DUSP4: variants seen among roughly 807,000 people sequenced by gnomAD.
DUSP4 encodes dual specificity protein phosphatase 4.
Under a neutral mutation model 27.2 loss-of-function variants are expected in DUSP4, and 12 were observed. The observed-to-expected ratio is 0.44, with a 90% CI of 0.28 to 0.71. DUSP4 has a LOEUF of 0.71. Ranked by LOEUF, DUSP4 falls within the 30% of genes least tolerant of loss-of-function variation. The pLI, the probability that DUSP4 is intolerant of heterozygous loss-of-function variation, is 0.14. For synonymous variants in DUSP4, 257 were observed against 245.2 expected (o/e 1.05, Z -0.45); for missense variants, 448 against 551.3 (o/e 0.81, Z 1.88).
At chr8:29,345,842 T>C (rs1817725949) in intron 1 of DUSP4, 57 of 1,076,738 alleles carry the variant, frequency 5.3e-5, no homozygotes, top group Non-Finnish European at 6.4e-5. Flanking sequence ...CATAGTGAGT[T>C]TGCTTCATTG....
At position 29,333,935 on chromosome 8, in the gene DUSP4, C is replaced by T. The variant is rs1817533151; in HGVS notation, c.*3091G>A. ...GATTTAAAAACCTTTCTCATGGCTT[C>T]CCAAATTGGAAAACTCTCTGGAATC... On this transcript the variant is annotated 3_prime_UTR_variant, in exon 4 of 4. Transcript: ENST00000240100. 1 of 152,236 alleles carries T rather than the reference C, an allele frequency of 6.6e-6. No individual in the cohort carries two copies. The highest frequency in any genetic ancestry group is 1.5e-5 in the Non-Finnish European group (1 of 68,074). The allele number at this position is 152,236 out of a possible 1,614,324, so 9.4% of individuals were successfully genotyped here. A position where few individuals can be genotyped will look rare whatever the true frequency, so the allele number is the denominator to read the frequency against.
At chr8:29,344,041 C>T (rs913104825) in intron 1 of DUSP4, among the ~76,000 whole-genome samples, 2 of 152,156 alleles carry the variant, frequency 1.3e-5, no homozygotes, top group Non-Finnish European at 1.5e-5. Context: ...GGGCTCCTTC[C>T]CGTGCCCCTA....
At chr8:29,339,597 G>A (rs1190955260) in intron 2 of DUSP4, among the ~76,000 whole-genome samples, 3 of 152,162 alleles carry the variant, frequency 2.0e-5, no homozygotes, top group Non-Finnish European at 4.4e-5. Context: ...AGGATATTTA[G>A]AGAGGGAAGG....
intron 1 of DUSP4, chr8:29,347,884 G>C (rs1429278456): frequency 2.0e-6 from 2 of 985,562 alleles, no homozygotes; most frequent in African/African-American, 1.7e-5. Context: ...GTTGGGGAGG[G>C]AGGACTCTCA....
intron 1 of DUSP4, among the ~76,000 whole-genome samples, chr8:29,340,474 G>C (rs938044842): frequency 2.6e-5 from 4 of 152,176 alleles, no homozygotes; most frequent in Non-Finnish European, 5.9e-5. Flanking sequence ...TAAGCTTTAT[G>C]GACAAGACTT....
At chr8:29,348,178 C>T in intron 1 of DUSP4, 2 of 985,628 alleles carry the variant, frequency 2.0e-6, no homozygotes, top group Non-Finnish European at 2.4e-6. Flanking sequence ...GGAAGGCGCG[C>T]CCGCGCTCTC....
Position 29,336,751 on chromosome 8 carries a change from C to T in DUSP4, c.*275G>A, listed in dbSNP as rs1228398443. 5 of 386,830 alleles carry T rather than the reference C, an allele frequency of 1.3e-5. No homozygotes were observed. Among genetic ancestry groups the T allele is most frequent in the East Asian group, 4.4e-5 (1 of 22,548 alleles). The allele number at this position is 386,830 out of a possible 1,614,324, so 24.0% of individuals were successfully genotyped here. ...AAAAAATGAGGTAAGAAATTTCTAT[C>T]GGAAAAGTGAAACTGACACATAAAC... On this transcript the variant is annotated 3_prime_UTR_variant, in exon 4 of 4. Coordinates refer to ENST00000240100, the MANE Select transcript of DUSP4 (RefSeq NM_001394.7).
chr8:29,337,520 T>C lies in DUSP4; in HGVS notation c.800-109A>G. 1 of 1,440,310 alleles carries C rather than the reference T, an allele frequency of 6.9e-7. No individual in the cohort carries two copies. Among genetic ancestry groups the C allele is most frequent in the Non-Finnish European group, 9.2e-7 (1 of 1,085,026 alleles). The allele number at this position is 1,440,310 out of a possible 1,614,324, so 89.2% of individuals were successfully genotyped here. A position where few individuals can be genotyped will look rare whatever the true frequency, so the allele number is the denominator to read the frequency against. On this transcript the variant is annotated intron_variant, in intron 3 of 3. Transcript: ENST00000240100. The surrounding 1 kb of genome is among the most constrained non-coding windows in gnomAD (Gnocchi z 6.4). Reference sequence around the variant, plus strand: ...GGGGCTCTGAAGGAAGGACTAGCCGTGCTAGACCAAGGACTGGAGAGGAAG... The same window carrying C: ...GGGGCTCTGAAGGAAGGACTAGCCGCGCTAGACCAAGGACTGGAGAGGAAG...
At chr8:29,348,822 C>A in intron 1 of DUSP4, 1 of 984,800 alleles carries the variant, frequency 1.0e-6, no homozygotes. Flanking sequence ...GGCTCGGAAG[C>A]GCAGACCCTA....
chr8:29,337,122 C>G lies in DUSP4; in HGVS notation c.1089G>C (p.Gln363His). The change falls in exon 4 of 4, where the codon CAG (glutamine) becomes CAC (histidine). Residue 363 changes from glutamine (Q) to histidine (H), a missense_variant. Gln to His is a conservative substitution (Grantham distance 24). This residue lies in a region of DUSP4 where 100 missense variants were observed against 139.8 expected (regional missense o/e 0.72). Transcript: ENST00000240100. The surrounding 1 kb of genome is among the most constrained non-coding windows in gnomAD (Gnocchi z 6.4). ...CGGAGACCGGAAAGCTGAAGACGAA[C>G]TGCGAGGTGGGGGTGGCGGGGGTCT... ...RGKTPATPTS[Q>H]FVFSFPVSVG... 2 of 1,610,940 alleles carry G rather than the reference C, an allele frequency of 1.2e-6. No individual in the cohort carries two copies. Among genetic ancestry groups the G allele is most frequent in the Non-Finnish European group, 1.7e-6 (2 of 1,178,692 alleles).
At chr8:29,339,562 C>CA (rs145901341) in intron 2 of DUSP4, among the ~76,000 whole-genome samples, 10,147 of 152,172 alleles carry the variant, frequency 0.067, 1,142 homozygotes, top group African/African-American at 0.23. Flanking sequence ...GCCAGGGAGT[C>CA]ATGTCTTTAG....
intron 1 of DUSP4, chr8:29,348,703 AG>A (rs1171272336): frequency 2.0e-6 from 2 of 985,134 alleles, no homozygotes; most frequent in African/African-American, 3.5e-5. Flanking sequence ...CCGGGTGGAC[AG>A]GTCGGAAGAG....
Position 29,337,350 on chromosome 8 carries a change from C to T in DUSP4, c.861G>A (p.Ser287=), listed in dbSNP as rs764420873. 2.1e-5 allele frequency: 34 copies of T among 1,611,390 alleles called. No individual in the cohort carries two copies. The highest frequency in any genetic ancestry group is 6.7e-5 in the Admixed American group (4 of 60,032). Residue 287 remains serine (S), a synonymous_variant, in exon 4 of 4, where the codon TCG becomes TCA. Transcript: ENST00000240100. This position sits in a 1 kb window ranked among gnomAD's most constrained non-coding sequence, Gnocchi z 6.4. Reference sequence around the variant, plus strand: ...TCAGGTAGGCCAGGCAGATGGTGGCCGACCGCGAGATGCCCGCCTGGCAGT... The same window carrying T: ...TCAGGTAGGCCAGGCAGATGGTGGCTGACCGCGAGATGCCCGCCTGGCAGT... ...LVHCQAGISR[S]ATICLAYLMM...
In DUSP4 at chr8:29,345,988, G is replaced by A. The variant is rs149314593; in HGVS notation, c.433+3858C>T. On this transcript the variant is annotated intron_variant, in intron 1 of 3. Coordinates refer to ENST00000240100, the MANE Select transcript of DUSP4 (RefSeq NM_001394.7). Reference sequence around the variant, plus strand: ...GTCATTTTCCCTTTAGGTAGAAAAGGTATGCAATATTGACATCCCCCAGAG... The same window carrying A: ...GTCATTTTCCCTTTAGGTAGAAAAGATATGCAATATTGACATCCCCCAGAG... 2.8e-4 allele frequency: 186 copies of A among 669,950 alleles called. No individual in the cohort carries two copies. In the African/African-American group the frequency reaches 6.4e-3, roughly 23 times the overall value. The allele number at this position is 669,950 out of a possible 1,614,324, so 41.5% of individuals were successfully genotyped here. A position where few individuals can be genotyped will look rare whatever the true frequency, so the allele number is the denominator to read the frequency against.
In DUSP4 at chr8:29,350,234, G is replaced by A. The variant is rs201036907; in HGVS notation, c.45C>T (p.Leu15=). The part of the protein sequence containing the change: ...EELREMDCSV[L]KRLMNRDENG... ...TCTCGTCCCGGTTCATCAGCCTTTT[G>A]AGCACACTGCAGTCCATCTCCCGCA... is the stretch of plus-strand genomic sequence containing the variant. The change falls in exon 1 of 4, where the codon CTC becomes CTT. Residue 15 remains leucine, a synonymous_variant. Coordinates refer to ENST00000240100, the MANE Select transcript of DUSP4 (RefSeq NM_001394.7). 158 of 1,607,974 alleles carry A rather than the reference G, an allele frequency of 9.8e-5. 1 individual carries two copies. The East Asian group carries it at 3.5e-3, about 35-fold the overall frequency.
chr8:29,348,577 G>C (rs1817771420), intron 1 of DUSP4: 2 of 985,554 alleles, frequency 2.0e-6, no homozygotes, highest in East Asian at 1.1e-4. Flanking sequence ...AAACAACTGC[G>C]GGGAACAAAG....
At chr8:29,340,379 C>T (rs1312568235) in intron 1 of DUSP4, 136 bp from the exon 2 acceptor site, 5 of 1,106,766 alleles carry the variant, frequency 4.5e-6, no homozygotes, top group East Asian at 2.6e-5. Context: ...CACTAGGTGG[C>T]GCTGTGGACC....
At chr8:29,347,267 C>T (rs1471910506) in intron 1 of DUSP4, among the ~76,000 whole-genome samples, 1 of 152,174 alleles carries the variant, frequency 6.6e-6, no homozygotes, top group Non-Finnish European at 1.5e-5. Context: ...TGGGAGACAC[C>T]TTGATTTCCT....
At position 29,334,729 on chromosome 8, in the gene DUSP4, C is replaced by T. The variant is rs1817544873; in HGVS notation, c.*2297G>A. The stretch of plus-strand genomic sequence containing the variant: ...TTCAGCTGCAGAACCCACTGGACTT[C>T]CAGGAATCAAGGAAAAAGTGGAAAT... On this transcript the variant is annotated 3_prime_UTR_variant, in exon 4 of 4. Coordinates refer to ENST00000240100, the MANE Select transcript of DUSP4 (RefSeq NM_001394.7). 6.6e-6 allele frequency: 1 copy of T among 152,246 alleles called. No individual in the cohort carries two copies. Among genetic ancestry groups the T allele is most frequent in the Non-Finnish European group, 1.5e-5 (1 of 68,082 alleles). The allele number at this position is 152,246 out of a possible 1,614,324, so 9.4% of individuals were successfully genotyped here.
Sources: gnomAD v4.1 joint callset for allele counts (sites outside exome capture counted in the v4.1 genomes callset) on GRCh38, gnomAD v4.1.1 for gene constraint, gnomAD v4.1.1 regional missense constraint, Gnocchi (gnomAD v3.1) non-coding constraint, MANE v1.5 for transcripts, NCBI Gene and HGNC (gene_info 2026-07-23, HGNC 2026-07-21) for gene names.